Variants in PFKFB3 observed in about 807,000 individuals in gnomAD.
PFKFB3 encodes the protein 6-phosphofructo-2-kinase/fructose-2,6-biphosphatase 3.
A neutral mutation model predicts 68.0 loss-of-function variants in PFKFB3; 33 were observed. The observed-to-expected ratio is 0.49, with a 90% CI of 0.37 to 0.65. The LOEUF (loss-of-function observed/expected upper bound fraction) is 0.65. Ranked by LOEUF, PFKFB3 falls within the 30% of genes least tolerant of loss-of-function variation. The pLI is 0.00. For missense variants in PFKFB3, 586 were observed against 712.2 expected, an observed-to-expected ratio of 0.82 and a Z score of 2.02; for synonymous variants, 315 against 288.2, an observed-to-expected ratio of 1.09 and a Z score of -0.94.
chr10:6,274,223 C>A, the PFKFB3 span, among the ~76,000 whole-genome samples: 1 of 151,664 alleles, frequency 6.6e-6, no homozygotes, highest in African/African-American at 2.4e-5. Context: ...AATTAAAAAA[C>A]TGTTGTGTAA....
the PFKFB3 span, among the ~76,000 whole-genome samples, chr10:6,271,275 C>A: frequency 3.3e-5 from 5 of 152,206 alleles, no homozygotes; most frequent in Non-Finnish European, 5.9e-5. Context: ...AAGGTAAGGA[C>A]GAGAACCGAA....
Position 6,215,972 on chromosome 10 carries a change from G to A in PFKFB3, c.300-153G>A, listed in dbSNP as rs1035712781. Among the ~76,000 whole-genome samples the A allele has an allele frequency of 6.6e-6, 1 of 152,184 alleles. No individual in the cohort carries two copies. The highest frequency in any genetic ancestry group is 2.4e-5 in the African/African-American group (1 of 41,446). On this transcript the variant is annotated intron_variant, in intron 3 of 14. Coordinates refer to ENST00000379775, the MANE Select transcript of PFKFB3 (RefSeq NM_004566.4). This position sits in a 1 kb window ranked among gnomAD's most constrained non-coding sequence, Gnocchi z 4.3. ...GTGGGGCCCCAGGTTGGAAGCCTCTGGGCCTGAGGGGTGCTGGCCAGCCTG... is the reference window on the plus strand; with the variant it reads ...GTGGGGCCCCAGGTTGGAAGCCTCTAGGCCTGAGGGGTGCTGGCCAGCCTG...
the PFKFB3 span, among the ~76,000 whole-genome samples, chr10:6,290,152 AG>A: frequency 6.6e-5 from 10 of 152,144 alleles, no homozygotes; most frequent in African/African-American, 2.4e-4. Flanking sequence ...ATCTGCAAAC[AG>A]GGACAATTTG....
chr10:6,232,227 T>C (rs1845792035), intron 14 of PFKFB3, among the ~76,000 whole-genome samples: 1 of 148,572 alleles, frequency 6.7e-6, no homozygotes, highest in African/African-American at 2.5e-5. Context: ...TCCTCGCTGA[T>C]TTTGGAGCAT....
chr10:6,294,916 G>T, the PFKFB3 span, among the ~76,000 whole-genome samples: 2 of 151,116 alleles, frequency 1.3e-5, no homozygotes, highest in Non-Finnish European at 2.9e-5. Context: ...CCACATCTCT[G>T]CCATACCTAG....
At chr10:6,227,086 A>C (rs906761328) in intron 14 of PFKFB3, among the ~76,000 whole-genome samples, 2 of 145,770 alleles carry the variant, frequency 1.4e-5, no homozygotes, top group East Asian at 4.0e-4. Flanking sequence ...ACTCCGTCTC[A>C]AAAAAAAAAA....
intron 1 of PFKFB3, among the ~76,000 whole-genome samples, chr10:6,153,589 C>A (rs1047753402): frequency 2.0e-5 from 3 of 152,194 alleles, no homozygotes; most frequent in Non-Finnish European, 4.4e-5. Flanking sequence ...CGAGGTGGCT[C>A]ACACCTCTAA....
chr10:6,228,813 C>T lies in PFKFB3; in HGVS notation c.1515+2448C>T, dbSNP rs1171591132. 6.6e-6 allele frequency among the ~76,000 whole-genome samples: 1 copy of T among 152,144 alleles called. No individual in the cohort carries two copies. The highest frequency in any genetic ancestry group is 1.5e-5 in the Non-Finnish European group (1 of 68,020). On this transcript the variant is annotated intron_variant, in intron 14 of 14. Coordinates refer to ENST00000379775, the MANE Select transcript of PFKFB3 (RefSeq NM_004566.4). The surrounding 1 kb of genome is among the most constrained non-coding windows in gnomAD (Gnocchi z 4.5). Reference sequence around the variant, plus strand: ...TTGTCCTGGGTTGGAGCCTGCTCAGCGTCATAGTCACGCCCGGGGCTGGGT... The same window carrying T: ...TTGTCCTGGGTTGGAGCCTGCTCAGTGTCATAGTCACGCCCGGGGCTGGGT...
In PFKFB3 at chr10:6,245,391, G is replaced by A. The variant is rs1048730036; in HGVS notation, c.1516-8787G>A. Among the ~76,000 whole-genome samples the A allele has an allele frequency of 5.1e-5, 7 of 137,106 alleles. No individual in the cohort carries two copies. In the South Asian group the frequency reaches 9.9e-4, roughly 19 times the overall value. The allele number at this position is 137,106 out of a possible 152,430, so 89.9% of individuals were successfully genotyped here. On this transcript the variant is annotated intron_variant, in intron 14 of 14. Coordinates refer to the PFKFB3 transcript ENST00000640683. ...ATTACTGGCATGAGCTACTGCACCC[G>A]GCCTATTTGATTTATTATTATTATT... is the stretch of plus-strand genomic sequence containing the variant.
At chr10:6,146,500 T>A (rs1448251219) in intron 1 of PFKFB3, 1 of 1,534,742 alleles carries the variant, frequency 6.5e-7, no homozygotes, top group Non-Finnish European at 8.7e-7. Context: ...AATCCAGGTA[T>A]GATTCGGCCA....
the PFKFB3 span, among the ~76,000 whole-genome samples, chr10:6,307,222 C>T: frequency 2.0e-5 from 3 of 152,090 alleles, no homozygotes; most frequent in Admixed American, 6.5e-5. Context: ...CTGAGGCTCA[C>T]GTTGCAGATT....
At chr10:6,326,549 T>C in the PFKFB3 span, 1 of 456,246 alleles carries the variant, frequency 2.2e-6, no homozygotes, top group South Asian at 1.6e-5. Flanking sequence ...CTTCTAGATA[T>C]GGAGTTACCA....
At chr10:6,185,326 C>A (rs1356595192) in intron 1 of PFKFB3, among the ~76,000 whole-genome samples, 1 of 152,236 alleles carries the variant, frequency 6.6e-6, no homozygotes, top group African/African-American at 2.4e-5. Context: ...TTCCACTCAT[C>A]CGCTTACTCA....
In PFKFB3 at chr10:6,210,401, C is replaced by T. The variant is rs1844115291; in HGVS notation, c.77-3222C>T. ...TTTGAGACGAAGTTTCGCTCTGTCA[C>T]CCAGGCTGGAGTGCAGTGGCGCTAT... On this transcript the variant is annotated intron_variant, in intron 1 of 14. Coordinates refer to ENST00000379775, the MANE Select transcript of PFKFB3 (RefSeq NM_004566.4). Among the ~76,000 whole-genome samples, 3 of 89,904 alleles carry T rather than the reference C, an allele frequency of 3.3e-5. 1 individual carries two copies. The highest frequency in any genetic ancestry group is 2.9e-4 in the Admixed American group (2 of 7,010). 59.0% of individuals were successfully genotyped at this position (89,904 alleles called of 152,430 possible). A position where few individuals can be genotyped will look rare whatever the true frequency, so the allele number is the denominator to read the frequency against.
chr10:6,238,545 T>C (rs1256287227), downstream of PFKFB3, among the ~76,000 whole-genome samples: 1 of 146,074 alleles, frequency 6.8e-6, no homozygotes, highest in East Asian at 2.0e-4. Context: ...TTGGGAGAAC[T>C]AAATCTTTTT....
chr10:6,242,083 T>G (rs1846154463), intron 14 of PFKFB3, among the ~76,000 whole-genome samples: 1 of 152,100 alleles, frequency 6.6e-6, no homozygotes, highest in East Asian at 1.9e-4. Flanking sequence ...CCTCAAGTGA[T>G]TCTTCCCGCC....
chr10:6,291,478 A>G, the PFKFB3 span, among the ~76,000 whole-genome samples: 1 of 151,866 alleles, frequency 6.6e-6, no homozygotes, highest in Non-Finnish European at 1.5e-5. Context: ...CTCAAGCCCA[A>G]GAGGCAGAGG....
chr10:6,180,535 G>A (rs1474863511), intron 1 of PFKFB3, among the ~76,000 whole-genome samples: 3 of 152,144 alleles, frequency 2.0e-5, no homozygotes, highest in Non-Finnish European at 4.4e-5. Flanking sequence ...CTCAGCCGTG[G>A]CTCACTGCAG....
the PFKFB3 span, among the ~76,000 whole-genome samples, chr10:6,284,957 A>G: frequency 1.6e-4 from 24 of 152,350 alleles, 1 homozygote; most frequent in East Asian, 4.4e-3. Flanking sequence ...CATTGCATGT[A>G]TACCGTGTAT....
Sources: gnomAD v4.1 joint callset for allele counts (sites outside exome capture counted in the v4.1 genomes callset) on GRCh38, gnomAD v4.1.1 for gene constraint, Gnocchi (gnomAD v3.1) non-coding constraint, MANE v1.5 for transcripts, NCBI Gene and HGNC (gene_info 2026-07-23, HGNC 2026-07-21) for gene names.